The following WDR27 variants were observed in gnomAD, a reference collection of about 807,000 sequenced individuals.
WDR27 encodes the protein WD repeat-containing protein 27.
A neutral mutation model predicts 114.4 loss-of-function variants in WDR27; 100 were observed. The observed-to-expected ratio is 0.87, with a 90% CI of 0.74 to 1.03. The LOEUF is 1.03. Ranked by LOEUF, WDR27 falls within the 50% of genes least tolerant of loss-of-function variation. The probability of loss-of-function intolerance (pLI) is 0.00; values close to 1 mark genes in which losing one functional copy is unlikely to be tolerated. For missense variants in WDR27, 1,129 were observed against 1,092.9 expected, an observed-to-expected ratio of 1.03 and a Z score of -0.47; for synonymous variants, 449 against 423.1, an observed-to-expected ratio of 1.06 and a Z score of -0.75.
Position 169,597,870 on chromosome 6 carries a change from C to CCATT in WDR27, c.2424+4345_2424+4348dup, listed in dbSNP as rs762672611. ...TTTTTATGCACAACTTCACCTCTTA[C>CCATT]CATTCATACACACACACACACACAC... On this transcript the variant is annotated intron_variant, in intron 23 of 25. Transcript: ENST00000448612. Among the ~76,000 whole-genome samples, 93 of 114,658 alleles carry CCATT rather than the reference C, an allele frequency of 8.1e-4. 2 individuals are homozygous for CCATT. The East Asian group carries it at 0.021, about 26-fold the overall frequency. 75.2% of individuals were successfully genotyped at this position (114,658 alleles called of 152,430 possible).
intron 17 of WDR27, among the ~76,000 whole-genome samples, chr6:169,639,960 TGAG>T (rs1316415962): frequency 2.6e-5 from 4 of 152,110 alleles, no homozygotes; most frequent in South Asian, 2.1e-4. Context: ...TGTGGCATGG[TGAG>T]GAGGGCGAGA....
At chr6:169,664,636 G>A (rs1827273269) in intron 7 of WDR27, 1 of 1,086,736 alleles carries the variant, frequency 9.2e-7, no homozygotes, top group Non-Finnish European at 1.1e-6. Context: ...ACATGCCCTG[G>A]GTGAGAAGAC....
At chr6:169,528,221 C>T (rs1186030089) in intron 25 of WDR27, among the ~76,000 whole-genome samples, 1 of 151,984 alleles carries the variant, frequency 6.6e-6, no homozygotes, top group Non-Finnish European at 1.5e-5. Context: ...TACAATATCA[C>T]GAACTGAAAA....
intron 23 of WDR27, among the ~76,000 whole-genome samples, chr6:169,586,920 T>A: frequency 8.2e-6 from 1 of 121,400 alleles, no homozygotes; most frequent in African/African-American, 3.1e-5. Flanking sequence ...ATGGAACCAA[T>A]CCAGGAAAAC....
chr6:169,586,631 G>A (rs1044741105), intron 23 of WDR27, among the ~76,000 whole-genome samples: 5 of 151,926 alleles, frequency 3.3e-5, no homozygotes, highest in Admixed American at 2.6e-4. Flanking sequence ...GGCCAAGGTG[G>A]GCGGATCATG....
chr6:169,528,898 C>T (rs1490193494), intron 25 of WDR27, among the ~76,000 whole-genome samples: 2 of 152,030 alleles, frequency 1.3e-5, no homozygotes, highest in Non-Finnish European at 2.9e-5. Context: ...ACATGTTGGC[C>T]CAAACTTTTT....
At chr6:169,654,735 G>T (rs73790084) in intron 13 of WDR27, among the ~76,000 whole-genome samples, 3 of 150,470 alleles carry the variant, frequency 2.0e-5, no homozygotes, top group African/African-American at 7.4e-5. Flanking sequence ...GCGCGCACAG[G>T]AGGAGGCGCG....
intron 21 of WDR27, among the ~76,000 whole-genome samples, chr6:169,631,285 A>G (rs533265879): frequency 5.9e-4 from 90 of 151,790 alleles, no homozygotes; most frequent in African/African-American, 1.8e-3. Context: ...GGAAGAGTCT[A>G]AACAAAAAGA....
intron 13 of WDR27, among the ~76,000 whole-genome samples, chr6:169,655,227 G>A (rs1347875225): frequency 1.3e-5 from 2 of 152,254 alleles, no homozygotes; most frequent in East Asian, 1.9e-4. Flanking sequence ...CTCCGGGCAG[G>A]AGAGGCGGCG....
chr6:169,701,264 A>C (rs758783208), intron 1 of WDR27, among the ~76,000 whole-genome samples: 19 of 152,186 alleles, frequency 1.2e-4, no homozygotes, highest in Non-Finnish European at 2.5e-4. Context: ...CTCCCTTCTG[A>C]TTAGAAAAGA....
intron 25 of WDR27, among the ~76,000 whole-genome samples, chr6:169,469,180 C>T (rs1360458902): frequency 6.6e-6 from 1 of 152,184 alleles, no homozygotes; most frequent in Non-Finnish European, 1.5e-5. Flanking sequence ...TTCATTCCAT[C>T]CAAACAGACA....
At chr6:169,526,762 T>A (rs1447614474) in intron 25 of WDR27, among the ~76,000 whole-genome samples, 1 of 152,212 alleles carries the variant, frequency 6.6e-6, no homozygotes, top group Non-Finnish European at 1.5e-5. Context: ...TGATATGAGT[T>A]GAATATATAT....
intron 25 of WDR27, among the ~76,000 whole-genome samples, chr6:169,561,993 T>TAGA (rs1799739469): frequency 6.6e-6 from 1 of 152,152 alleles, no homozygotes; most frequent in South Asian, 2.1e-4. Context: ...ACAATGAAGG[T>TAGA]GTCTACTCAT....
chr6:169,614,460 C>A (rs189612978), intron 21 of WDR27, among the ~76,000 whole-genome samples: 97 of 152,130 alleles, frequency 6.4e-4, no homozygotes, highest in African/African-American at 2.3e-3. Flanking sequence ...CCAAGGCGGG[C>A]AGATCACCTG....
intron 25 of WDR27, among the ~76,000 whole-genome samples, chr6:169,546,063 C>T (rs1323883274): frequency 6.6e-6 from 1 of 151,878 alleles, no homozygotes; most frequent in Non-Finnish European, 1.5e-5. Flanking sequence ...AGATCAAAGC[C>T]GCAATGCAGT....
chr6:169,448,666 C>T, the WDR27 span, among the ~76,000 whole-genome samples: 3 of 152,188 alleles, frequency 2.0e-5, no homozygotes, highest in Non-Finnish European at 2.9e-5. Context: ...TGAACATTCC[C>T]CTTCATCCCA....
chr6:169,521,685 TTTTC>T (rs1448139559), intron 25 of WDR27, among the ~76,000 whole-genome samples: 1 of 152,098 alleles, frequency 6.6e-6, no homozygotes, highest in African/African-American at 2.4e-5. Context: ...TAGAGTATTT[TTTTC>T]TTTGTTTCTA....
intron 25 of WDR27, among the ~76,000 whole-genome samples, chr6:169,483,042 G>A (rs1256590242): frequency 6.6e-6 from 1 of 152,150 alleles, no homozygotes; most frequent in East Asian, 1.9e-4. Context: ...GCAGTATTAA[G>A]AGGGAAATTT....
At chr6:169,590,541 G>C (rs1805531855) in intron 23 of WDR27, among the ~76,000 whole-genome samples, 1 of 152,232 alleles carries the variant, frequency 6.6e-6, no homozygotes, top group African/African-American at 2.4e-5. Context: ...CTCTGTTAGA[G>C]AATTCCTGAT....
Sources: allele counts gnomAD v4.1 joint callset (sites outside exome capture counted in the v4.1 genomes callset), GRCh38; gene constraint gnomAD v4.1.1; transcripts MANE v1.5; gene names NCBI Gene and HGNC (gene_info 2026-07-23, HGNC 2026-07-21).